The following ZNF398 variants were observed in gnomAD, a reference collection of about 807,000 sequenced individuals.
ZNF398 encodes the protein zinc finger DNA binding protein ZER6.
A neutral mutation model predicts 41.9 loss-of-function variants in ZNF398; 18 were observed. The observed-to-expected ratio is 0.43, with a 90% CI of 0.30 to 0.64. The LOEUF is 0.64. ZNF398 is among the 30% of genes least tolerant of loss of function. The probability of loss-of-function intolerance (pLI) is 0.14; values close to 1 mark genes in which losing one functional copy is unlikely to be tolerated. For missense variants in ZNF398, 669 were observed against 822.8 expected (o/e 0.81, Z 2.29); for synonymous variants, 260 against 308.8 (o/e 0.84, Z 1.66).
At chr7:149,166,110 T>C (rs561311769) in intron 2 of ZNF398, 48 bp from the exon 3 acceptor site, 1 of 1,551,066 alleles carries the variant, frequency 6.4e-7, no homozygotes, top group South Asian at 1.2e-5. Flanking sequence ...ATTTATTGAA[T>C]GACTGAATTA....
At chr7:149,127,125 G>A (rs1292875238) in intron 1 of ZNF398, among the ~76,000 whole-genome samples, 1 of 152,162 alleles carries the variant, frequency 6.6e-6, no homozygotes, top group Non-Finnish European at 1.5e-5. Context: ...AAACGGGAGA[G>A]GTGGGAAGAC....
intron 1 of ZNF398, among the ~76,000 whole-genome samples, chr7:149,128,509 G>A (rs1826530754): frequency 6.6e-6 from 1 of 152,036 alleles, no homozygotes; most frequent in Admixed American, 6.6e-5. Flanking sequence ...CACTTTGGGA[G>A]GCTGAGGCAG....
At chr7:149,135,389 CAAA>C (rs777888671) in intron 2 of ZNF398, among the ~76,000 whole-genome samples, 46 of 61,410 alleles carry the variant, frequency 7.5e-4, no homozygotes, top group African/African-American at 2.6e-3. Flanking sequence ...GACTCTGTCT[CAAA>C]AAAAAAAAAA....
At chr7:149,157,805 T>C (rs1563160419) in intron 2 of ZNF398, among the ~76,000 whole-genome samples, 1 of 132,684 alleles carries the variant, frequency 7.5e-6, no homozygotes, top group Non-Finnish European at 1.5e-5. Flanking sequence ...GCCACTGCAC[T>C]CCAGCCTGGC....
In ZNF398 at chr7:149,179,436, C is replaced by T. The variant is rs112460455; in HGVS notation, c.1564C>T (p.Arg522Cys). 7.4e-6 allele frequency: 12 copies of T among 1,613,928 alleles called. No homozygotes were observed. Among genetic ancestry groups the T allele is most frequent in the Admixed American group, 1.7e-5 (1 of 60,004 alleles). The change falls in exon 6 of 6, where the codon CGC (arginine) becomes TGC (cysteine). Residue 522 changes from arginine to cysteine, a missense_variant. By Grantham distance (180) the Arg-to-Cys change is radical. Coordinates refer to ENST00000475153, the MANE Select transcript of ZNF398 (RefSeq NM_170686.3). This position sits in a 1 kb window ranked among gnomAD's most constrained non-coding sequence, Gnocchi z 6.1. ...PCTDCSKSFM[R>C]KEHLLNHRRL... ...CACTGACTGCAGTAAGAGCTTCATG[C>T]GCAAGGAGCACCTGCTGAACCACCG...
At chr7:149,146,233 T>C (rs116559891), upstream of ZNF398, among the ~76,000 whole-genome samples, 115 of 150,116 alleles carry the variant, frequency 7.7e-4, no homozygotes, top group African/African-American at 2.5e-3. Flanking sequence ...GCCACTGCGC[T>C]CGGCCTGTTC....
At chr7:149,141,256 T>TG (rs1386814510) in intron 2 of ZNF398, among the ~76,000 whole-genome samples, 1 of 150,422 alleles carries the variant, frequency 6.6e-6, no homozygotes, top group Non-Finnish European at 1.5e-5. Flanking sequence ...TAGATTAAAA[T>TG]GGGGCACTCC....
chr7:149,155,754 T>G (rs1794963053), intron 2 of ZNF398, among the ~76,000 whole-genome samples: 1 of 136,948 alleles, frequency 7.3e-6, no homozygotes, highest in Non-Finnish European at 1.5e-5. Context: ...TGAGATGGAG[T>G]CTCACTCTGT....
At chr7:149,127,792 A>G (rs1826517730) in intron 1 of ZNF398, among the ~76,000 whole-genome samples, 3 of 152,166 alleles carry the variant, frequency 2.0e-5, no homozygotes, top group African/African-American at 7.2e-5. Flanking sequence ...TCACATATGT[A>G]TGTATACGTG....
intron 4 of ZNF398, among the ~76,000 whole-genome samples, chr7:149,168,643 A>C (rs537923325): frequency 3.9e-5 from 6 of 152,128 alleles, no homozygotes; most frequent in South Asian, 2.1e-4. Context: ...ATCCTGGCTC[A>C]CTGCAACCTC....
At chr7:149,174,806 A>G (rs1795427721) in intron 4 of ZNF398, among the ~76,000 whole-genome samples, 1 of 152,198 alleles carries the variant, frequency 6.6e-6, no homozygotes, top group African/African-American at 2.4e-5. Flanking sequence ...AGCCTGGGTG[A>G]TAGAGTGAGA....
chr7:149,140,566 T>A (rs936648042), intron 2 of ZNF398, among the ~76,000 whole-genome samples: 1 of 152,094 alleles, frequency 6.6e-6, no homozygotes, highest in Non-Finnish European at 1.5e-5. Flanking sequence ...GTATTTTTAG[T>A]AGAGACGGGG....
At chr7:149,142,862 G>A (rs1473541753), upstream of ZNF398, among the ~76,000 whole-genome samples, 3 of 152,112 alleles carry the variant, frequency 2.0e-5, no homozygotes, top group Admixed American at 2.0e-4. Context: ...AAACGGAAAC[G>A]CACGAACGTC....
chr7:149,150,971 A>G (rs1160783157), intron 1 of ZNF398, among the ~76,000 whole-genome samples: 1 of 152,158 alleles, frequency 6.6e-6, no homozygotes, highest in Non-Finnish European at 1.5e-5. Flanking sequence ...CAGCCTTGCA[A>G]AGTGCTGGGA....
chr7:149,131,550 G>C (rs1381529885), intron 2 of ZNF398, among the ~76,000 whole-genome samples: 1 of 152,136 alleles, frequency 6.6e-6, no homozygotes, highest in East Asian at 1.9e-4. Flanking sequence ...GCTGGGTGTG[G>C]TGGCGGACGC....
In ZNF398 at chr7:149,181,523, G is replaced by A. The variant is rs1210334453; in HGVS notation, c.*1722G>A. On this transcript the variant is annotated 3_prime_UTR_variant, in exon 6 of 6. Transcript: ENST00000475153. Reference sequence around the variant, plus strand: ...GACCCATTTTTTTGCTCATCACCTAGCCCATCCTTCACTCTCTCTAGTTAT... The same window carrying A: ...GACCCATTTTTTTGCTCATCACCTAACCCATCCTTCACTCTCTCTAGTTAT... 6.6e-6 allele frequency: 1 copy of A among 152,106 alleles called. No homozygotes were observed. The highest frequency in any genetic ancestry group is 1.5e-5 in the Non-Finnish European group (1 of 68,012). The allele number at this position is 152,106 out of a possible 1,614,324, so 9.4% of individuals were successfully genotyped here.
intron 2 of ZNF398, among the ~76,000 whole-genome samples, chr7:149,156,585 G>A (rs1563159935): frequency 1.3e-5 from 2 of 151,106 alleles, no homozygotes; most frequent in Admixed American, 6.6e-5. Context: ...TAGGCCAGGC[G>A]CAGTGGCTCA....
At chr7:149,165,111 G>GA in intron 2 of ZNF398, among the ~76,000 whole-genome samples, 1 of 129,488 alleles carries the variant, frequency 7.7e-6, no homozygotes, top group African/African-American at 2.9e-5. Context: ...AAAAAGAAAA[G>GA]AAAGAAAGAA....
intron 5 of ZNF398, among the ~76,000 whole-genome samples, chr7:149,177,619 A>T (rs1465774400): frequency 6.6e-6 from 1 of 152,216 alleles, no homozygotes; most frequent in Admixed American, 6.6e-5. Flanking sequence ...TGCATAGCAG[A>T]AATGTATACT....
Sources: allele counts gnomAD v4.1 joint callset (sites outside exome capture counted in the v4.1 genomes callset), GRCh38; gene constraint gnomAD v4.1.1; non-coding constraint Gnocchi (gnomAD v3.1); transcripts MANE v1.5; gene names NCBI Gene and HGNC (gene_info 2026-07-23, HGNC 2026-07-21).